The following GGT7 variants were observed in gnomAD, a reference collection of about 807,000 sequenced individuals.
The protein encoded by GGT7 is gamma-glutamyltransferase 7.
In GGT7, 30 loss-of-function variants were observed where a neutral mutation model predicts 69.2. The ratio of observed to expected loss-of-function variants is 0.43; its 90% CI spans 0.32 to 0.59. The LOEUF (loss-of-function observed/expected upper bound fraction) is 0.59, where lower values mean the gene tolerates loss of function less well. GGT7 is among the 20% of genes least tolerant of loss of function. The probability of loss-of-function intolerance (pLI) is 0.05; values close to 1 mark genes in which losing one functional copy is unlikely to be tolerated. For missense variants in GGT7, 733 were observed against 901.1 expected (o/e 0.81, Z 2.39); for synonymous variants, 388 against 391.8 (o/e 0.99, Z 0.12).
Position 34,872,827 on chromosome 20 carries a change from C to A in GGT7, c.-12G>T, listed in dbSNP as rs532402996. 59 of 1,338,804 alleles carry A rather than the reference C, an allele frequency of 4.4e-5. No homozygotes were observed. The African/African-American group carries it at 7.8e-4, about 18-fold the overall frequency. The allele number at this position is 1,338,804 out of a possible 1,614,324, so 82.9% of individuals were successfully genotyped here. A position where few individuals can be genotyped will look rare whatever the true frequency, so the allele number is the denominator to read the frequency against. On this transcript the variant is annotated 5_prime_UTR_variant, in exon 1 of 15. Transcript: ENST00000336431. ...TTCTCCGCCGCCATCCTCGCCCGCGCCCCCCAGCAGCGCAGCGCCTGCCGG... is the reference window on the plus strand; with the variant it reads ...TTCTCCGCCGCCATCCTCGCCCGCGACCCCCAGCAGCGCAGCGCCTGCCGG...
rs188384021 is a variant in GGT7 at position 34,850,942 on chromosome 20, G to A, written c.1725+289C>T. 4.2e-5 allele frequency: 28 copies of A among 670,844 alleles called. No individual in the cohort carries two copies. The East Asian group carries it at 7.3e-4, about 17-fold the overall frequency. The allele number at this position is 670,844 out of a possible 1,614,324, so 41.6% of individuals were successfully genotyped here. ...GCTGGGTAGAGGTATAATGGGACTTGAGGTTAACAGAACCCAGGCCACCCA... is the reference window on the plus strand; with the variant it reads ...GCTGGGTAGAGGTATAATGGGACTTAAGGTTAACAGAACCCAGGCCACCCA... On this transcript the variant is annotated intron_variant, in intron 13 of 14. Transcript: ENST00000336431.
In GGT7 at chr20:34,859,474, C is replaced by A; in HGVS notation, c.983G>T (p.Gly328Val). 6.3e-7 allele frequency: 1 copy of A among 1,599,690 alleles called. No homozygotes were observed. Among genetic ancestry groups the A allele is most frequent in the African/African-American group, 1.3e-5 (1 of 74,838 alleles). ...CACCATCTCCAGTGTGAGGTTGCCA[C>A]CTGCGTAGAAGGCAGCCGGGCCGGA... ...GTSGPAAFYA[G>V]GNLTLEMVAE... The change falls in exon 7 of 15, where the codon GGT (glycine) becomes GTT (valine). Residue 328 changes from glycine (G) to valine (V), a missense_variant. By Grantham distance (109) the Gly-to-Val change is moderately radical. Coordinates refer to ENST00000336431, the MANE Select transcript of GGT7 (RefSeq NM_178026.3).
At chr20:34,852,995 G>A (rs569953927) in intron 10 of GGT7, among the ~76,000 whole-genome samples, 1 of 152,120 alleles carries the variant, frequency 6.6e-6, no homozygotes, top group South Asian at 2.1e-4. Context: ...TGTCACACAG[G>A]CTGGAGTGCA....
chr20:34,869,195 T>C (rs867967787), intron 1 of GGT7, among the ~76,000 whole-genome samples: 1 of 151,902 alleles, frequency 6.6e-6, no homozygotes, highest in African/African-American at 2.4e-5. Context: ...TGAAACAGTG[T>C]CTCACTCTGT....
At chr20:34,869,955 T>C (rs1371949400) in intron 1 of GGT7, among the ~76,000 whole-genome samples, 1 of 152,208 alleles carries the variant, frequency 6.6e-6, no homozygotes, top group African/African-American at 2.4e-5. Flanking sequence ...GATCACTGTC[T>C]AGCTCTCTTT....
At chr20:34,864,447 G>T (rs572117269) in intron 1 of GGT7, among the ~76,000 whole-genome samples, 1 of 152,126 alleles carries the variant, frequency 6.6e-6, no homozygotes, top group African/African-American at 2.4e-5. Context: ...CATACTGAGC[G>T]CAGTGGCTCA....
chr20:34,845,166 TG>T lies in GGT7; in HGVS notation c.*161del. On this transcript the variant is annotated 3_prime_UTR_variant, in exon 15 of 15. Coordinates refer to ENST00000336431, the MANE Select transcript of GGT7 (RefSeq NM_178026.3). The stretch of plus-strand genomic sequence containing the variant: ...ACCACCACCACCACAGGCCTCCTGA[TG>T]GAGAATTTTCCAGTTACTCTGGGAT... 5.9e-6 allele frequency: 2 copies of T among 341,478 alleles called. No homozygotes were observed. Among genetic ancestry groups the T allele is most frequent in the Non-Finnish European group, 1.1e-5 (2 of 186,624 alleles). The allele number at this position is 341,478 out of a possible 1,614,324, so 21.2% of individuals were successfully genotyped here.
At chr20:34,846,294 T>TC (rs1319068766) in intron 14 of GGT7, among the ~76,000 whole-genome samples, 7 of 78,434 alleles carry the variant, frequency 8.9e-5, no homozygotes, top group Admixed American at 4.9e-4. Context: ...CTCCCTCCCT[T>TC]CCTTTCTTTC....
Position 34,854,880 on chromosome 20 carries a change from G to A in GGT7, c.1146C>T (p.Ala382=), listed in dbSNP as rs1407523165. 6.2e-7 allele frequency: 1 copy of A among 1,614,002 alleles called. No individual in the cohort carries two copies. Among genetic ancestry groups the A allele is most frequent in the African/African-American group, 1.3e-5 (1 of 75,030 alleles). Residue 382 remains alanine, a synonymous_variant, in exon 9 of 15, where the codon GCC becomes GCT. Transcript: ENST00000336431. ...CCAGGATGTTGAGAGCACTGATGAG[G>A]GCAGGGCCCGTGTGCGGAGGTGGGG... ...LSPPPPHTGP[A]LISALNILEG...
Position 34,845,416 on chromosome 20 carries a change from C to T in GGT7, c.1901G>A (p.Trp634Ter). 6.2e-7 allele frequency: 1 copy of T among 1,614,078 alleles called. No homozygotes were observed. The highest frequency in any genetic ancestry group is 8.5e-7 in the Non-Finnish European group (1 of 1,179,936). Reference sequence around the variant, plus strand: ...GTTGGTCCTTCGGCTGCCATGGACCCAGGATAAGACATCTACTTTCTCCAC... The same window carrying T: ...GTTGGTCCTTCGGCTGCCATGGACCTAGGATAAGACATCTACTTTCTCCAC... ...HHVEKVDVLSWVHGSRRTNNF... is the reference protein window; with the variant it reads ...HHVEKVDVLS Residue 634 changes from tryptophan to a stop codon, truncating the protein, a stop_gained, in exon 15 of 15, where the codon TGG becomes TAG. Coordinates refer to ENST00000336431, the MANE Select transcript of GGT7 (RefSeq NM_178026.3). LOFTEE classifies it high-confidence loss of function.
At chr20:34,868,554 A>G (rs2079730134) in intron 1 of GGT7, among the ~76,000 whole-genome samples, 1 of 152,154 alleles carries the variant, frequency 6.6e-6, no homozygotes, top group Non-Finnish European at 1.5e-5. Flanking sequence ...CATCCCTGGT[A>G]TCTGCTTGGA....
chr20:34,851,143 A>G, intron 13 of GGT7, 88 bp downstream of exon 13: 1 of 1,531,570 alleles, frequency 6.5e-7, no homozygotes, highest in Non-Finnish European at 9.0e-7. Context: ...TGAGGAATGG[A>G]AACAAGCCAC....
rs2079282954 is a variant in GGT7, at chr20:34,845,246, C to T, written c.*82G>A. ...CTGATCTGGGGCATCCCTGGGGTCC[C>T]CCTGAGACCAAACCTGGGAGAAGGA... On this transcript the variant is annotated 3_prime_UTR_variant, in exon 15 of 15. Coordinates refer to ENST00000336431, the MANE Select transcript of GGT7 (RefSeq NM_178026.3). The T allele has an allele frequency of 7.3e-7, 1 of 1,369,246 alleles. No individual in the cohort carries two copies. The highest frequency in any genetic ancestry group is 1.4e-5 in the African/African-American group (1 of 69,624). 84.8% of individuals were successfully genotyped at this position (1,369,246 alleles called of 1,614,324 possible).
Position 34,845,445 on chromosome 20 carries a change from G to A in GGT7, c.1872C>T (p.His624=), listed in dbSNP as rs45563934. Residue 624 remains histidine (H), a synonymous_variant, in exon 15 of 15, where the codon CAC becomes CAT. Transcript: ENST00000336431. ...EEIEFLEARG[H]HVEKVDVLSW... ...ATAAGACATCTACTTTCTCCACGTG[G>A]TGACCCCTGGCTTCCAGGAACTCAA... 1.7e-5 allele frequency: 27 copies of A among 1,614,014 alleles called. No individual in the cohort carries two copies. Among genetic ancestry groups the A allele is most frequent in the Middle Eastern group, 1.6e-4 (1 of 6,062 alleles).
At chr20:34,860,428 G>A in intron 4 of GGT7, 107 bp from the exon 5 acceptor site, 2 of 840,280 alleles carry the variant, frequency 2.4e-6, no homozygotes, top group Non-Finnish European at 2.0e-6. Flanking sequence ...GCACAGGGGA[G>A]AGACACAGGC....
intron 8 of GGT7, among the ~76,000 whole-genome samples, chr20:34,856,583 G>A (rs138671463): frequency 6.6e-6 from 1 of 152,286 alleles, no homozygotes; most frequent in Non-Finnish European, 1.5e-5. Context: ...CCTTTGACCA[G>A]GTCCACCCCC....
rs144901803 is a variant in GGT7, at chr20:34,859,503, G to A, written c.954C>T (p.Gly318=). Residue 318 remains glycine (G), a synonymous_variant, in exon 7 of 15, where the codon GGC becomes GGT. Transcript: ENST00000336431. ...CGTAGAAGGCAGCCGGGCCGGAGGT[G>A]CCAAGTACATCCAGCACCTCAGCCA... ...PDLAEVLDVL[G]TSGPAAFYAG... is the part of the protein sequence containing the mutation. 1,006 of 1,610,604 alleles carry A rather than the reference G, an allele frequency of 6.2e-4. No homozygotes were observed. Among genetic ancestry groups the A allele is most frequent in the Non-Finnish European group, 8.1e-4 (958 of 1,177,560 alleles).
intron 1 of GGT7, among the ~76,000 whole-genome samples, chr20:34,870,787 T>G (rs2079765292): frequency 6.6e-6 from 1 of 150,654 alleles, no homozygotes; most frequent in African/African-American, 2.4e-5. Context: ...TTTTGTTTTG[T>G]TTTTTGTTTT....
intron 1 of GGT7, among the ~76,000 whole-genome samples, chr20:34,871,776 A>G (rs1325118592): frequency 6.6e-6 from 1 of 152,228 alleles, no homozygotes; most frequent in Admixed American, 6.5e-5. Flanking sequence ...CCAGGAAGTG[A>G]CGTGCAGGGA....
Sources: allele counts gnomAD v4.1 joint callset (sites outside exome capture counted in the v4.1 genomes callset), GRCh38; gene constraint gnomAD v4.1.1; transcripts MANE v1.5; gene names NCBI Gene and HGNC (gene_info 2026-07-23, HGNC 2026-07-21).